The following IFNLR1 variants were observed in gnomAD, a reference collection of about 807,000 sequenced individuals.
The protein encoded by IFNLR1 is interferon lambda receptor 1.
A neutral mutation model predicts 52.5 loss-of-function variants in IFNLR1; 28 were observed. The ratio of observed to expected loss-of-function variants is 0.53; its 90% CI spans 0.40 to 0.73. The LOEUF is 0.73. Ranked by LOEUF, IFNLR1 falls within the 30% of genes least tolerant of loss-of-function variation. The pLI is 0.00. For missense variants in IFNLR1, 623 were observed against 659.1 expected, an observed-to-expected ratio of 0.95 and a Z score of 0.60; for synonymous variants, 276 against 274.9, an observed-to-expected ratio of 1.00 and a Z score of -0.04.
At chr1:24,181,633 G>C (rs143750441) in intron 1 of IFNLR1, among the ~76,000 whole-genome samples, 1 of 152,170 alleles carries the variant, frequency 6.6e-6, no homozygotes, top group Non-Finnish European at 1.5e-5. Flanking sequence ...CTCAGGATCT[G>C]TAAGTAATAA....
At chr1:24,161,805 G>T in intron 3 of IFNLR1, 121 bp from the exon 4 acceptor site, 1 of 899,382 alleles carries the variant, frequency 1.1e-6, no homozygotes, top group Non-Finnish European at 1.6e-6. Flanking sequence ...CACTTCTTGT[G>T]CACCTAGCAC....
chr1:24,168,146 A>G (rs1644538669), intron 3 of IFNLR1, among the ~76,000 whole-genome samples: 1 of 148,852 alleles, frequency 6.7e-6, no homozygotes, highest in Non-Finnish European at 1.5e-5. Flanking sequence ...CTTCCTTCCC[A>G]TTTTTCCATT....
In IFNLR1 at chr1:24,154,428, T is replaced by C. The variant is rs966887579; in HGVS notation, c.*2702A>G. 6.6e-6 allele frequency: 1 copy of C among 152,258 alleles called. No individual in the cohort carries two copies. Among genetic ancestry groups the C allele is most frequent in the Non-Finnish European group, 1.5e-5 (1 of 68,058 alleles). The allele number at this position is 152,258 out of a possible 1,614,324, so 9.4% of individuals were successfully genotyped here. A position where few individuals can be genotyped will look rare whatever the true frequency, so the allele number is the denominator to read the frequency against. On this transcript the variant is annotated 3_prime_UTR_variant, in exon 7 of 7. Transcript: ENST00000327535. ...ACCTGCTGTGCACGTGAAAGGGCTT[T>C]GTAAACAGTTAAGTGCTGACCACAC...
chr1:24,158,205 G>C (rs569537563), intron 6 of IFNLR1, among the ~76,000 whole-genome samples: 1 of 152,364 alleles, frequency 6.6e-6, no homozygotes, highest in East Asian at 1.9e-4. Context: ...CATTGTTGAG[G>C]AATGGAAGAG....
At position 24,156,524 on chromosome 1, in the gene IFNLR1, CCGG is replaced by C. The variant is rs1644380091; in HGVS notation, c.*603_*605del. ...GAACAGCAGAGCTGGGATTTGAACC[CCGG>C]TCTGTCTGACACTAAAACCGTACAG... On this transcript the variant is annotated 3_prime_UTR_variant, in exon 7 of 7. Coordinates refer to ENST00000327535, the MANE Select transcript of IFNLR1 (RefSeq NM_170743.4). 6.6e-6 allele frequency: 1 copy of C among 152,372 alleles called. No homozygotes were observed. The highest frequency in any genetic ancestry group is 6.5e-5 in the Admixed American group (1 of 15,292). The allele number at this position is 152,372 out of a possible 1,614,324, so 9.4% of individuals were successfully genotyped here.
Position 24,157,131 on chromosome 1 carries a change from C to T in IFNLR1, c.1562G>A (p.Ter521=). The change falls in exon 7 of 7, where the codon TGA becomes TAA. Residue 521 remains the stop codon, a stop_retained_variant. Transcript: ENST00000327535. This position sits in a 1 kb window ranked among gnomAD's most constrained non-coding sequence, Gnocchi z 5.1. ...GRTLGHYMAR[*] ...TTCGGTGGGATGTCGGGGGACAGCT[C>T]ACCTGGCCATGTAATGCCCCAATGT... 1 of 1,605,592 alleles carries T rather than the reference C, an allele frequency of 6.2e-7. No individual in the cohort carries two copies. The highest frequency in any genetic ancestry group is 1.1e-5 in the South Asian group (1 of 89,408).
At chr1:24,173,149 CA>C (rs1644598842) in intron 2 of IFNLR1, among the ~76,000 whole-genome samples, 1 of 140,954 alleles carries the variant, frequency 7.1e-6, no homozygotes, top group Non-Finnish European at 1.5e-5. Context: ...AAAAACCCAC[CA>C]AAAAAGCCTA....
chr1:24,178,037 C>A (rs56388193), intron 2 of IFNLR1, among the ~76,000 whole-genome samples: 14,792 of 152,162 alleles, frequency 0.097, 1,994 homozygotes, highest in African/African-American at 0.3. Flanking sequence ...GTAATCCCAG[C>A]ATTTTGGGAG....
chr1:24,159,596 T>C lies in IFNLR1; in HGVS notation c.548A>G (p.Gln183Arg). 2 of 1,614,116 alleles carry C rather than the reference T, an allele frequency of 1.2e-6. No individual in the cohort carries two copies. The highest frequency in any genetic ancestry group is 1.7e-6 in the Non-Finnish European group (2 of 1,180,008). The change falls in exon 5 of 7, where the codon CAG becomes CGG. Residue 183 changes from glutamine to arginine, a missense_variant. Gln to Arg is a conservative substitution (Grantham distance 43). Transcript: ENST00000327535. ...GCTGGCAGCTGGCTGGAGAGTGATC[T>C]GGACTGGCTGGCCATGGGGAGTGAC... ...FPVTPHGQPV[Q>R]ITLQPAASEH...
intron 3 of IFNLR1, among the ~76,000 whole-genome samples, chr1:24,168,482 G>A (rs185640752): frequency 1.1e-4 from 17 of 152,110 alleles, no homozygotes; most frequent in Admixed American, 7.9e-4. Context: ...GGTTACTAGC[G>A]GTATCAAGTC....
chr1:24,162,787 T>TTTTTTTCTTCTTTC (rs1644465661), intron 3 of IFNLR1, among the ~76,000 whole-genome samples: 2 of 61,916 alleles, frequency 3.2e-5, no homozygotes, highest in Non-Finnish European at 6.9e-5. Context: ...TTTTTCTTTC[T>TTTTTTTCTTCTTTC]TTTTCTTTCT....
intron 4 of IFNLR1, among the ~76,000 whole-genome samples, chr1:24,160,432 G>A (rs1557642334): frequency 2.0e-5 from 3 of 152,208 alleles, no homozygotes. Context: ...TCAATTGGAT[G>A]AAGTAAAATC....
intron 2 of IFNLR1, among the ~76,000 whole-genome samples, chr1:24,178,157 C>T (rs56038229): frequency 0.099 from 15,097 of 151,766 alleles, 2,003 homozygotes; most frequent in African/African-American, 0.3. Flanking sequence ...TGGTGGTGGG[C>T]GCCTGTAATC....
chr1:24,157,899 G>A lies in IFNLR1; in HGVS notation c.802-8C>T. On this transcript the variant is annotated splice_polypyrimidine_tract_variant and splice_region_variant and intron_variant, in intron 6 of 6. Coordinates refer to ENST00000327535, the MANE Select transcript of IFNLR1 (RefSeq NM_170743.4). The surrounding 1 kb of genome is among the most constrained non-coding windows in gnomAD (Gnocchi z 5.1). ...TGTGTGTCCAGAAAAGTCCTGATTT[G>A]GGTAGGGGAGAGAAAAGCAGAAAAT... 6.5e-7 allele frequency: 1 copy of A among 1,543,700 alleles called. No homozygotes were observed. Among genetic ancestry groups the A allele is most frequent in the South Asian group, 1.2e-5 (1 of 80,778 alleles).
At chr1:24,172,423 C>T (rs1398155664) in intron 2 of IFNLR1, among the ~76,000 whole-genome samples, 1 of 151,994 alleles carries the variant, frequency 6.6e-6, no homozygotes, top group African/African-American at 2.4e-5. Context: ...GAAAAAACCA[C>T]ATAAAACCTA....
rs200089074 is a variant in IFNLR1 at position 24,159,651 on chromosome 1, A to G, written c.511-18T>C. On this transcript the variant is annotated intron_variant, in intron 4 of 6. Transcript: ENST00000327535. ...AATAGGGTCTGTTTGGAAAAGAAGC[A>G]GAGAGTGGCAGAGCTGCTGTGGGGA... 37 of 1,612,660 alleles carry G rather than the reference A, an allele frequency of 2.3e-5. No individual in the cohort carries two copies. The highest frequency in any genetic ancestry group is 3.1e-5 in the Non-Finnish European group (36 of 1,179,236).
In IFNLR1 at chr1:24,187,222, G is replaced by A; in HGVS notation, c.27C>T (p.Pro9=). ...CGGCCTGCAGCAGGCACAGGAGCAG[G>A]GGGCCCCAGCGCTCGGGCCCCGCCA... MAGPERWG[P]LLLCLLQAAP... Residue 9 remains proline (P), a synonymous_variant, in exon 1 of 7, where the codon CCC becomes CCT. Coordinates refer to ENST00000327535, the MANE Select transcript of IFNLR1 (RefSeq NM_170743.4). The A allele has an allele frequency of 7.7e-7, 1 of 1,295,564 alleles. No homozygotes were observed. The allele number at this position is 1,295,564 out of a possible 1,614,324, so 80.3% of individuals were successfully genotyped here.
chr1:24,185,177 C>T (rs1229034951), intron 1 of IFNLR1, among the ~76,000 whole-genome samples: 2 of 152,128 alleles, frequency 1.3e-5, no homozygotes, highest in African/African-American at 2.4e-5. Context: ...ATAATCGTTA[C>T]AGATGGGAAA....
At chr1:24,163,014 GC>G (rs1644480452) in intron 3 of IFNLR1, among the ~76,000 whole-genome samples, 1 of 130,602 alleles carries the variant, frequency 7.7e-6, no homozygotes, top group Non-Finnish European at 1.6e-5. Flanking sequence ...AGGCTGGAGT[GC>G]AACGGGGCGA....
Sources: allele counts gnomAD v4.1 joint callset (sites outside exome capture counted in the v4.1 genomes callset), GRCh38; gene constraint gnomAD v4.1.1; non-coding constraint Gnocchi (gnomAD v3.1); transcripts MANE v1.5; gene names NCBI Gene and HGNC (gene_info 2026-07-23, HGNC 2026-07-21).